Variants in ADCY9 observed in about 807,000 individuals in gnomAD.
ADCY9 encodes the protein adenylate cyclase 9.
A neutral mutation model predicts 101.5 loss-of-function variants in ADCY9; 50 were observed. That is an observed-to-expected ratio of 0.49 (90% CI 0.39 to 0.62). The LOEUF (loss-of-function observed/expected upper bound fraction) is 0.62. Among genes scored for constraint, ADCY9 ranks in the 20% least tolerant of loss-of-function variants. The pLI, the probability that ADCY9 is intolerant of heterozygous loss-of-function variation, is 0.00. For missense variants in ADCY9, 1,662 were observed against 1,800.4 expected, an observed-to-expected ratio of 0.92 and a Z score of 1.39; for synonymous variants, 905 against 769.3, an observed-to-expected ratio of 1.18 and a Z score of -2.92.
chr16:4,114,856 G>T lies in ADCY9; in HGVS notation c.587C>A (p.Thr196Lys), dbSNP rs548157811. The change falls in exon 2 of 11, where the codon ACG (threonine) becomes AAG (lysine). Residue 196 changes from threonine (T) to lysine (K), a missense_variant. Around this residue, in one of 5 missense-constraint regions of ADCY9, gnomAD observed 422 missense variants for 392.0 expected, o/e 1.08. Transcript: ENST00000294016. This position sits in a 1 kb window ranked among gnomAD's most constrained non-coding sequence, Gnocchi z 4.3. ...GCTGTCGCCGCGTCCTGAGACAGGC[G>T]TCAAGACCTGGAACTGCGCAGCCAG... ...LTLAAQFQVLTPVSGRGDSSN... is the reference protein window; with the variant it reads ...LTLAAQFQVLKPVSGRGDSSN... 1 of 1,613,628 alleles carries T rather than the reference G, an allele frequency of 6.2e-7. No individual in the cohort carries two copies. The highest frequency in any genetic ancestry group is 1.1e-5 in the South Asian group (1 of 91,092).
rs566515300 is a variant in ADCY9 at position 4,105,828 on chromosome 16, A to G, written c.1693+7922T>C. ...CACACTGTACTCCAGCCTGGGCAAC[A>G]GAGGAAGACCCTGTCTCAAAAAGAA... On this transcript the variant is annotated intron_variant, in intron 2 of 10. Coordinates refer to ENST00000294016, the MANE Select transcript of ADCY9 (RefSeq NM_001116.4). Among the ~76,000 whole-genome samples the G allele has an allele frequency of 2.0e-5, 3 of 152,302 alleles. No individual in the cohort carries two copies. In the East Asian group the frequency reaches 5.8e-4, roughly 29 times the overall value.
intron 3 of ADCY9, among the ~76,000 whole-genome samples, chr16:4,004,774 G>C (rs2056356078): frequency 6.6e-6 from 1 of 152,216 alleles, no homozygotes; most frequent in South Asian, 2.1e-4. Context: ...AGAATTTGGA[G>C]ACGAGGGAAC....
intron 2 of ADCY9, among the ~76,000 whole-genome samples, chr16:4,043,142 A>C (rs900381176): frequency 6.6e-6 from 1 of 151,746 alleles, no homozygotes; most frequent in South Asian, 2.1e-4. Flanking sequence ...GAGGCAGGAG[A>C]ATGGCGTGAA....
intron 2 of ADCY9, among the ~76,000 whole-genome samples, chr16:4,012,362 CA>C (rs1469973006): frequency 6.6e-6 from 1 of 151,726 alleles, no homozygotes; most frequent in Non-Finnish European, 1.5e-5. Context: ...AGTTCAAGCC[CA>C]GCGAAAGTCT....
chr16:3,973,772 C>T (rs1402183375), intron 10 of ADCY9, among the ~76,000 whole-genome samples: 8 of 152,136 alleles, frequency 5.3e-5, no homozygotes, highest in East Asian at 1.9e-4. Context: ...GGATTACAGG[C>T]GGGAGTCACC....
intron 9 of ADCY9, among the ~76,000 whole-genome samples, chr16:3,976,055 G>C (rs1294385662): frequency 2.0e-5 from 3 of 151,898 alleles, no homozygotes; most frequent in African/African-American, 7.3e-5. Flanking sequence ...GCAGTGGCGC[G>C]ATCTCGGTTC....
intron 2 of ADCY9, among the ~76,000 whole-genome samples, chr16:4,113,075 G>A (rs2057123640): frequency 6.6e-6 from 1 of 151,712 alleles, no homozygotes; most frequent in Non-Finnish European, 1.5e-5. Context: ...GGTGGCTGGA[G>A]AAGCTCAATA....
At chr16:3,985,180 G>A (rs185648656) in intron 6 of ADCY9, among the ~76,000 whole-genome samples, 1 of 121,518 alleles carries the variant, frequency 8.2e-6, no homozygotes, top group Non-Finnish European at 1.6e-5. Flanking sequence ...TCTGGCTGTC[G>A]CCAGGCTGGA....
intron 2 of ADCY9, among the ~76,000 whole-genome samples, chr16:4,077,115 C>T (rs188225973): frequency 7.5e-4 from 114 of 151,596 alleles, no homozygotes; most frequent in Non-Finnish European, 1.3e-3. Flanking sequence ...TTTCTGTACA[C>T]GCTTTCCACA....
chr16:3,966,963 G>A lies in ADCY9; in HGVS notation c.2874C>T (p.Ser958=), dbSNP rs749957311. 27 of 1,608,374 alleles carry A rather than the reference G, an allele frequency of 1.7e-5. No homozygotes were observed. In the East Asian group the frequency reaches 3.6e-4, roughly 21 times the overall value. Residue 958 remains serine (S), a synonymous_variant, in exon 11 of 11, where the codon TCC becomes TCT. Coordinates refer to ENST00000294016, the MANE Select transcript of ADCY9 (RefSeq NM_001116.4). ...SPLDAVQNFS[S]ERNPCNSSVP... The stretch of plus-strand genomic sequence containing the variant: ...CCGAACTATTGCACGGGTTCCTCTC[G>A]GAACTGGAGAGCAAAGACACGGGAA...
At chr16:4,088,797 C>T (rs866887283) in intron 2 of ADCY9, among the ~76,000 whole-genome samples, 3 of 152,002 alleles carry the variant, frequency 2.0e-5, no homozygotes, top group East Asian at 1.9e-4. Context: ...CTGGTAGGTT[C>T]GCTTTTCATA....
chr16:4,043,202 G>A (rs1055719318), intron 2 of ADCY9, among the ~76,000 whole-genome samples: 1 of 151,990 alleles, frequency 6.6e-6, no homozygotes, highest in Admixed American at 6.6e-5. Flanking sequence ...CTGCACTCCA[G>A]CCTGGGCGAC....
intron 2 of ADCY9, among the ~76,000 whole-genome samples, chr16:4,075,748 G>C (rs1437343639): frequency 6.6e-6 from 1 of 152,120 alleles, no homozygotes; most frequent in African/African-American, 2.4e-5. Context: ...TGGGGCAGCG[G>C]GGGGGCCAGG....
At chr16:4,112,144 G>A (rs1462284602) in intron 2 of ADCY9, among the ~76,000 whole-genome samples, 2 of 152,208 alleles carry the variant, frequency 1.3e-5, no homozygotes, top group Non-Finnish European at 2.9e-5. Context: ...AAATGCCAAG[G>A]TGGCAAGCAG....
Position 4,114,932 on chromosome 16 carries a change from G to C in ADCY9, c.511C>G (p.His171Asp), listed in dbSNP as rs570699984. 2 of 1,613,968 alleles carry C rather than the reference G, an allele frequency of 1.2e-6. No homozygotes were observed. Among genetic ancestry groups the C allele is most frequent in the Admixed American group, 3.3e-5 (2 of 60,026 alleles). Residue 171 changes from histidine (H) to aspartate (D), a missense_variant, in exon 2 of 11, where the codon CAT becomes GAT. His to Asp is a moderately conservative substitution (Grantham distance 81). Transcript: ENST00000294016. The surrounding 1 kb of genome is among the most constrained non-coding windows in gnomAD (Gnocchi z 4.3). ...AGAGCCAGCGAGGTCCACGCGTAAT[G>C]CCGGGCGTACAGCTTGGTGAAGGTA... ...LFTFTKLYAR[H>D]YAWTSLALTL...
intron 5 of ADCY9, among the ~76,000 whole-genome samples, chr16:3,989,666 G>C (rs959077410): frequency 6.6e-6 from 1 of 152,146 alleles, no homozygotes; most frequent in African/African-American, 2.4e-5. Context: ...AGCGTGAGCT[G>C]CTGAGGCTTG....
chr16:4,056,930 T>A lies in ADCY9; in HGVS notation c.1694-49372A>T, dbSNP rs528900624. On this transcript the variant is annotated intron_variant, in intron 2 of 10. Transcript: ENST00000294016. ...AGGTCCAGGATGATGTGAGTGCAAATTGCTAAAGCTCTCCTTCAGGTGCCA... is the reference window on the plus strand; with the variant it reads ...AGGTCCAGGATGATGTGAGTGCAAAATGCTAAAGCTCTCCTTCAGGTGCCA... 1.1e-4 allele frequency among the ~76,000 whole-genome samples: 16 copies of A among 151,848 alleles called. No individual in the cohort carries two copies. In the East Asian group the frequency reaches 3.1e-3, roughly 30 times the overall value.
At chr16:4,079,546 A>G (rs1270717440) in intron 2 of ADCY9, among the ~76,000 whole-genome samples, 1 of 152,162 alleles carries the variant, frequency 6.6e-6, no homozygotes, top group African/African-American at 2.4e-5. Context: ...TTCAGCCTGG[A>G]TGACAGAGCA....
At chr16:4,054,377 A>G (rs1475469004) in intron 2 of ADCY9, among the ~76,000 whole-genome samples, 1 of 151,798 alleles carries the variant, frequency 6.6e-6, no homozygotes, top group Non-Finnish European at 1.5e-5. Flanking sequence ...AAAATTCCCG[A>G]TTTTCCCAAA....
Sources: allele counts gnomAD v4.1 joint callset (sites outside exome capture counted in the v4.1 genomes callset), GRCh38; gene constraint gnomAD v4.1.1; regional missense constraint gnomAD v4.1.1; non-coding constraint Gnocchi (gnomAD v3.1); transcripts MANE v1.5; gene names NCBI Gene and HGNC (gene_info 2026-07-23, HGNC 2026-07-21).